Variants in EFTUD2 observed in about 807,000 individuals in gnomAD.
EFTUD2 encodes 116 kDa U5 small nuclear ribonucleoprotein component.
A neutral mutation model predicts 114.3 loss-of-function variants in EFTUD2; 9 were observed. The ratio of observed to expected loss-of-function variants is 0.08; its 90% confidence interval spans 0.05 to 0.14. The LOEUF (loss-of-function observed/expected upper bound fraction) is 0.14, where lower values mean the gene tolerates loss of function less well. Ranked by LOEUF, EFTUD2 falls within the 10% of genes least tolerant of loss-of-function variation. The pLI, the probability that EFTUD2 is intolerant of heterozygous loss-of-function variation, is 1.00. For synonymous variants in EFTUD2, 449 were observed against 462.3 expected (o/e 0.97, Z 0.37); for missense variants, 765 against 1,241.2 (o/e 0.62, Z 5.76).
intron 19 of EFTUD2, 118 bp downstream of exon 19, chr17:44,858,962 A>G: frequency 1.4e-6 from 1 of 726,088 alleles, no homozygotes; most frequent in Non-Finnish European, 2.5e-6. Flanking sequence ...GCAACAGATC[A>G]TGGTTTTCAC....
intron 19 of EFTUD2, 144 bp from the exon 20 acceptor site, chr17:44,857,301 C>T (rs1057509800): frequency 1.5e-6 from 1 of 656,458 alleles, no homozygotes; most frequent in Non-Finnish European, 2.7e-6. Flanking sequence ...ATAAGTACAA[C>T]AGCAGGTTAA....
intron 19 of EFTUD2, among the ~76,000 whole-genome samples, chr17:44,858,634 C>G (rs544354936): frequency 1.2e-4 from 19 of 152,028 alleles, no homozygotes; most frequent in South Asian, 8.4e-4. Flanking sequence ...TTTGTAGAGA[C>G]GAGGTTTCAC....
chr17:44,872,419 T>C, intron 11 of EFTUD2, 27 bp downstream of exon 11: 2 of 1,609,260 alleles, frequency 1.2e-6, no homozygotes, highest in Non-Finnish European at 1.7e-6. Context: ...GGGAAGCTGG[T>C]GAGACAGACT....
Position 44,854,658 on chromosome 17 carries a change from C to A in EFTUD2, c.2157G>T (p.Gln719His). The change falls in exon 22 of 28, where the codon CAG (glutamine) becomes CAT (histidine). Residue 719 changes from glutamine (Q) to histidine (H), a missense_variant. Physicochemically the swap from Gln to His is conservative, Grantham distance 24 (BLOSUM62 0). Coordinates refer to ENST00000426333, the MANE Select transcript of EFTUD2 (RefSeq NM_004247.4). The surrounding 1 kb of genome is among the most constrained non-coding windows in gnomAD (Gnocchi z 4.3). ...WNRKKLGEFFQTKYDWDLLAA... is the reference protein window; with the variant it reads ...WNRKKLGEFFHTKYDWDLLAA... The stretch of plus-strand genomic sequence containing the variant: ...CCAGCAGATCCCAATCGTACTTGGT[C>A]TGGAAGAACTCTCCCAGCTTCTTCC... The A allele has an allele frequency of 6.2e-7, 1 of 1,613,964 alleles. No homozygotes were observed. Among genetic ancestry groups the A allele is most frequent in the South Asian group, 1.1e-5 (1 of 91,044 alleles).
At position 44,863,761 on chromosome 17, in the gene EFTUD2, T is replaced by G. The variant is rs1449142521; in HGVS notation, c.1307A>C (p.Gln436Pro). The G allele has an allele frequency of 6.2e-7, 1 of 1,614,112 alleles. No individual in the cohort carries two copies. The highest frequency in any genetic ancestry group is 8.5e-7 in the Non-Finnish European group (1 of 1,179,976). ...GCCCACCTTTGGAGAAGGGATATGC[T>G]GCACACACATGTCCACAAAGCCTGT... ...EFTGFVDMCV[Q>P]HIPSPKVGAK... The change falls in exon 15 of 28, where the codon CAG becomes CCG. Residue 436 changes from glutamine (Q) to proline (P), a missense_variant. This residue lies in a region of EFTUD2 where 59 missense variants were observed against 50.1 expected (regional missense o/e 1.18). Transcript: ENST00000426333.
At position 44,856,551 on chromosome 17, in the gene EFTUD2, GTTT is replaced by G. The variant is rs569345813; in HGVS notation, c.2045+521_2045+523del. Among the ~76,000 whole-genome samples, 793 of 151,814 alleles carry G rather than the reference GTTT, an allele frequency of 5.2e-3. 2 individuals carry two copies. The highest frequency in any genetic ancestry group is 0.017 in the Middle Eastern group (5 of 294). ...TTAAAAAAAAGAAAAAAAAAGTAAG[GTTT>G]AAGCTGGGCATGGTGGCTCACACCT... On this transcript the variant is annotated intron_variant, in intron 20 of 27. Coordinates refer to ENST00000426333, the MANE Select transcript of EFTUD2 (RefSeq NM_004247.4).
At chr17:44,859,238 C>G in intron 18 of EFTUD2, 57 bp from the exon 19 acceptor site, 1 of 1,239,364 alleles carries the variant, frequency 8.1e-7, no homozygotes, top group Non-Finnish European at 1.2e-6. Flanking sequence ...AAGGCACACA[C>G]AAACAAAATC....
In EFTUD2 at chr17:44,854,520, G is replaced by C. The variant is rs761900668; in HGVS notation, c.2259+36C>G. ...GTAGTTTCTTCCACTCCAGAGGTAA[G>C]AGACCGCCACCCAGTTCCCATCAGT... On this transcript the variant is annotated intron_variant, in intron 22 of 27. Coordinates refer to ENST00000426333, the MANE Select transcript of EFTUD2 (RefSeq NM_004247.4). This position sits in a 1 kb window ranked among gnomAD's most constrained non-coding sequence, Gnocchi z 4.3. The C allele has an allele frequency of 1.9e-6, 3 of 1,600,232 alleles. No homozygotes were observed. Among genetic ancestry groups the C allele is most frequent in the African/African-American group, 1.3e-5 (1 of 74,366 alleles).
intron 9 of EFTUD2, among the ~76,000 whole-genome samples, chr17:44,876,456 T>C (rs2050950882): frequency 1.3e-5 from 2 of 152,174 alleles, no homozygotes; most frequent in East Asian, 1.9e-4. Context: ...GAAATAGTTA[T>C]AGATATGTAT....
chr17:44,860,327 A>C (rs1597795443), intron 17 of EFTUD2, 105 bp downstream of exon 17: 1 of 883,184 alleles, frequency 1.1e-6, no homozygotes, highest in East Asian at 2.5e-5. Flanking sequence ...CTAAGCCTGA[A>C]ACCAGGACAT....
Position 44,851,248 on chromosome 17 carries a change from G to A in EFTUD2, c.*26C>T. 1 of 1,596,162 alleles carries A rather than the reference G, an allele frequency of 6.3e-7. No individual in the cohort carries two copies. The highest frequency in any genetic ancestry group is 8.6e-7 in the Non-Finnish European group (1 of 1,164,020). ...CAGGAGTTGCAGCCCACTGTAGGGA[G>A]CAGGAGCTCCCAGGAGTCCACGCAC... On this transcript the variant is annotated 3_prime_UTR_variant, in exon 28 of 28. Coordinates refer to ENST00000426333, the MANE Select transcript of EFTUD2 (RefSeq NM_004247.4).
chr17:44,890,186 ATTTTTGTAT>A (rs1345386934), intron 2 of EFTUD2, among the ~76,000 whole-genome samples: 2 of 151,076 alleles, frequency 1.3e-5, no homozygotes, highest in Non-Finnish European at 3.0e-5. Flanking sequence ...GTATTTTTGT[ATTTTTGTAT>A]TTTTAATAGA....
intron 18 of EFTUD2, chr17:44,859,643 A>ACG: frequency 8.7e-6 from 3 of 344,332 alleles, no homozygotes; most frequent in Non-Finnish European, 1.6e-5. Flanking sequence ...ACAAATACGC[A>ACG]CACACACACA....
At chr17:44,868,438 G>A in intron 11 of EFTUD2, 88 bp from the exon 12 acceptor site, 1 of 1,305,762 alleles carries the variant, frequency 7.7e-7, no homozygotes, top group South Asian at 1.3e-5. Context: ...TCATAGCTGA[G>A]AACTTCTAGC....
chr17:44,850,164 T>C lies in EFTUD2; in HGVS notation c.*1110A>G, dbSNP rs2050414515. 3.5e-6 allele frequency: 2 copies of C among 570,080 alleles called. No individual in the cohort carries two copies. Among genetic ancestry groups the C allele is most frequent in the East Asian group, 5.6e-5 (2 of 35,666 alleles). The allele number at this position is 570,080 out of a possible 1,614,324, so 35.3% of individuals were successfully genotyped here. A position where few individuals can be genotyped will look rare whatever the true frequency, so the allele number is the denominator to read the frequency against. On this transcript the variant is annotated 3_prime_UTR_variant, in exon 28 of 28. Transcript: ENST00000426333. ...CTGTCAGATAAGTGGTTTCCCCAGG[T>C]TGTGTGGTCAGATGCTTGAAGCAGC...
chr17:44,855,591 A>C (rs200780237), intron 20 of EFTUD2, among the ~76,000 whole-genome samples: 16 of 151,498 alleles, frequency 1.1e-4, no homozygotes, highest in East Asian at 9.7e-4. Flanking sequence ...ACAAAAAAAA[A>C]CCCCAGACAA....
In EFTUD2 at chr17:44,850,427, C is replaced by T. The variant is rs577806974; in HGVS notation, c.*847G>A. The T allele has an allele frequency of 2.0e-6, 3 of 1,523,718 alleles. No homozygotes were observed. Among genetic ancestry groups the T allele is most frequent in the Admixed American group, 3.4e-5 (2 of 58,196 alleles). The allele number at this position is 1,523,718 out of a possible 1,614,324, so 94.4% of individuals were successfully genotyped here. On this transcript the variant is annotated 3_prime_UTR_variant, in exon 28 of 28. Coordinates refer to ENST00000426333, the MANE Select transcript of EFTUD2 (RefSeq NM_004247.4). ...CTATAGGAGCCGGGGCTGTCCAACT[C>T]CCCTAACTCAATCCCTGGTACATTC...
intron 7 of EFTUD2, among the ~76,000 whole-genome samples, chr17:44,881,462 G>T (rs1597817462): frequency 6.6e-6 from 1 of 152,170 alleles, no homozygotes; most frequent in Non-Finnish European, 1.5e-5. Context: ...ATCTAGTCAA[G>T]AACAGGAGGG....
chr17:44,851,599 T>C (rs946698419), intron 27 of EFTUD2, 111 bp downstream of exon 27: 4 of 1,170,286 alleles, frequency 3.4e-6, no homozygotes, highest in African/African-American at 1.6e-5. Context: ...ATCATATCTC[T>C]ACATTGGAAA....
Sources: allele counts gnomAD v4.1 joint callset (sites outside exome capture counted in the v4.1 genomes callset), GRCh38; gene constraint gnomAD v4.1.1; regional missense constraint gnomAD v4.1.1; non-coding constraint Gnocchi (gnomAD v3.1); transcripts MANE v1.5; gene names NCBI Gene and HGNC (gene_info 2026-07-23, HGNC 2026-07-21).